Variants in COL22A1 observed in about 807,000 individuals in gnomAD.
The protein encoded by COL22A1 is collagen type XXII alpha 1 chain.
COL22A1 carries 221 observed loss-of-function variants against 248.9 expected under a neutral mutation model. That is an observed-to-expected ratio of 0.89 (90% CI 0.80 to 0.99). The LOEUF is 0.99. Among genes scored for constraint, COL22A1 ranks in the 50% least tolerant of loss-of-function variants. The pLI is 0.00. For synonymous variants in COL22A1, 891 were observed against 793.4 expected, an observed-to-expected ratio of 1.12 and a Z score of -2.07; for missense variants, 2,240 against 2,179.0, an observed-to-expected ratio of 1.03 and a Z score of -0.56.
At chr8:138,605,894 A>G (rs1818381056) in intron 58 of COL22A1, among the ~76,000 whole-genome samples, 1 of 152,162 alleles carries the variant, frequency 6.6e-6, no homozygotes, top group African/African-American at 2.4e-5. Flanking sequence ...AATCACTTAC[A>G]TGTTCTGACC....
Position 138,685,232 on chromosome 8 carries a change from G to A in COL22A1, c.2943C>T (p.Pro981=), listed in dbSNP as rs759861800. The A allele has an allele frequency of 1.3e-5, 21 of 1,612,676 alleles. No individual in the cohort carries two copies. Among genetic ancestry groups the A allele is most frequent in the Middle Eastern group, 1.6e-4 (1 of 6,078 alleles). The change falls in exon 38 of 65, where the codon CCC becomes CCT. Residue 981 remains proline, a synonymous_variant. Coordinates refer to ENST00000303045, the MANE Select transcript of COL22A1 (RefSeq NM_152888.3). ...DPGAPGLPGP[P]GKGKDGEPGL... ...CCGGCTCTCCATCCTTCCCTTTTCCGGGTGGCCCAGGGAGCCCAGGAGCAC... is the reference window on the plus strand; with the variant it reads ...CCGGCTCTCCATCCTTCCCTTTTCCAGGTGGCCCAGGGAGCCCAGGAGCAC...
intron 55 of COL22A1, among the ~76,000 whole-genome samples, chr8:138,614,412 C>A (rs1029489254): frequency 1.3e-5 from 2 of 152,198 alleles, no homozygotes; most frequent in African/African-American, 4.8e-5. Context: ...ATAATCCTAA[C>A]CCTGTGATGG....
chr8:138,754,080 T>C (rs1832807648), intron 21 of COL22A1, among the ~76,000 whole-genome samples: 1 of 152,202 alleles, frequency 6.6e-6, no homozygotes, highest in South Asian at 2.1e-4. Flanking sequence ...TGGTAAAAGA[T>C]GAAAAATAAC....
intron 14 of COL22A1, 143 bp from the exon 15 acceptor site, chr8:138,778,549 G>T (rs200005905): frequency 5.8e-6 from 4 of 684,066 alleles, no homozygotes; most frequent in Non-Finnish European, 4.9e-6. Context: ...GTTGGCACAG[G>T]TCTCGCCAGC....
intron 62 of COL22A1, 81 bp from the exon 63 acceptor site, chr8:138,594,280 G>C: frequency 1.6e-6 from 2 of 1,263,690 alleles, no homozygotes; most frequent in Non-Finnish European, 2.2e-6. Flanking sequence ...TGACAACTCA[G>C]AACCAGGGGG....
chr8:138,748,090 A>T (rs1215970891), intron 22 of COL22A1, among the ~76,000 whole-genome samples: 2 of 152,120 alleles, frequency 1.3e-5, no homozygotes, highest in Non-Finnish European at 2.9e-5. Flanking sequence ...CAAAACACTG[A>T]TTTCAATGCT....
chr8:138,640,864 A>G (rs1821621632), intron 47 of COL22A1, among the ~76,000 whole-genome samples: 1 of 152,214 alleles, frequency 6.6e-6, no homozygotes, highest in African/African-American at 2.4e-5. Context: ...CCCAAGTCCT[A>G]TAATTAGCAA....
chr8:138,881,266 G>C (rs953225117), intron 2 of COL22A1, among the ~76,000 whole-genome samples: 1 of 138,412 alleles, frequency 7.2e-6, no homozygotes, highest in Non-Finnish European at 1.5e-5. Flanking sequence ...AGTTATTACT[G>C]TCTTTCCAGC....
chr8:138,784,806 TCA>T (rs1815367516), intron 12 of COL22A1, among the ~76,000 whole-genome samples: 1 of 151,890 alleles, frequency 6.6e-6, no homozygotes, highest in Non-Finnish European at 1.5e-5. Context: ...TGAAACAAAG[TCA>T]CAGACAGCTG....
chr8:138,694,671 C>T lies in COL22A1; in HGVS notation c.2647-110G>A, dbSNP rs550453002. On this transcript the variant is annotated intron_variant, in intron 33 of 64. Transcript: ENST00000303045. Reference sequence around the variant, plus strand: ...TATAATTTGAGATCCAAGGAGGGGACGTAGCTAGCGTCCTGAGGAGAAGAA... The same window carrying T: ...TATAATTTGAGATCCAAGGAGGGGATGTAGCTAGCGTCCTGAGGAGAAGAA... 8.8e-5 allele frequency: 120 copies of T among 1,366,608 alleles called. 2 individuals are homozygous for T. The South Asian group carries it at 1.3e-3, about 15-fold the overall frequency. 84.7% of individuals were successfully genotyped at this position (1,366,608 alleles called of 1,614,324 possible).
chr8:138,664,146 G>C (rs4607662), intron 41 of COL22A1, among the ~76,000 whole-genome samples: 97,462 of 146,884 alleles, frequency 0.66, 33,767 homozygotes, highest in Middle Eastern at 0.78. Flanking sequence ...CAGCCATAGC[G>C]CTAGTGTCTG....
chr8:138,763,328 A>C (rs1413984199), intron 16 of COL22A1, among the ~76,000 whole-genome samples: 1 of 152,062 alleles, frequency 6.6e-6, no homozygotes, highest in Non-Finnish European at 1.5e-5. Context: ...CAGTGGCTGC[A>C]GCAAGTTGAG....
At chr8:138,709,623 A>T (rs1040332844) in intron 30 of COL22A1, among the ~76,000 whole-genome samples, 3 of 108,300 alleles carry the variant, frequency 2.8e-5, no homozygotes, top group Non-Finnish European at 5.3e-5. Context: ...AACATCACAC[A>T]CTGGGGCCTG....
Position 138,722,853 on chromosome 8 carries a change from G to GGC in COL22A1, c.2248-765_2248-764insGC, listed in dbSNP as rs1320954747. ...ATGATATCGGGTCACATGGGGGCGG[G>GGC]GGGGGGGTGGTGGAAAACACACCCT... On this transcript the variant is annotated intron_variant, in intron 25 of 64. Transcript: ENST00000303045. Among the ~76,000 whole-genome samples, 34 of 128,640 alleles carry GGC rather than the reference G, an allele frequency of 2.6e-4. 2 individuals are homozygous for GGC. The highest frequency in any genetic ancestry group is 7.8e-4 in the Admixed American group (10 of 12,822). The allele number at this position is 128,640 out of a possible 152,430, so 84.4% of individuals were successfully genotyped here.
intron 3 of COL22A1, among the ~76,000 whole-genome samples, chr8:138,872,083 C>CAGAG (rs1823387684): frequency 6.6e-6 from 1 of 152,180 alleles, no homozygotes; most frequent in Admixed American, 6.5e-5. Flanking sequence ...CATCAAAATG[C>CAGAG]AGAGCTGGAG....
At position 138,685,839 on chromosome 8, in the gene COL22A1, A is replaced by G. The variant is rs557739256; in HGVS notation, c.2863-527T>C. ...TTTGGCTGTTTAGGCCACCCAGTTC[A>G]TGATACTTTGTTACTGCAGCCTTAG... is the stretch of plus-strand genomic sequence containing the variant. On this transcript the variant is annotated intron_variant, in intron 37 of 64. Coordinates refer to ENST00000303045, the MANE Select transcript of COL22A1 (RefSeq NM_152888.3). 2.0e-5 allele frequency among the ~76,000 whole-genome samples: 3 copies of G among 152,314 alleles called. No homozygotes were observed. The East Asian group carries it at 5.8e-4, about 29-fold the overall frequency.
intron 1 of COL22A1, among the ~76,000 whole-genome samples, chr8:138,904,068 T>C (rs891088315): frequency 3.9e-5 from 6 of 152,150 alleles, no homozygotes; most frequent in African/African-American, 1.4e-4. Context: ...CTTTTTAAGC[T>C]TAAGCTAATT....
rs962144991 is a variant in COL22A1 at position 138,760,178 on chromosome 8, G to A, written c.1902+65C>T. On this transcript the variant is annotated intron_variant, in intron 18 of 64. Transcript: ENST00000303045. ...CCCTTCCCTGAGCCTGGTTTGCCAA[G>A]GCGGGCAGTCCCCGCACCTGCCTGC... is the stretch of plus-strand genomic sequence containing the variant. 1.1e-5 allele frequency: 15 copies of A among 1,368,582 alleles called. No homozygotes were observed. The African/African-American group carries it at 2.3e-4, about 21-fold the overall frequency. The allele number at this position is 1,368,582 out of a possible 1,614,324, so 84.8% of individuals were successfully genotyped here.
intron 36 of COL22A1, 103 bp from the exon 37 acceptor site, chr8:138,689,073 A>G: frequency 3.4e-6 from 3 of 882,640 alleles, no homozygotes; most frequent in Non-Finnish European, 5.7e-6. Context: ...CCTGAAGTCA[A>G]CGACTACAGC....
Sources: gnomAD v4.1 joint callset for allele counts (sites outside exome capture counted in the v4.1 genomes callset) on GRCh38, gnomAD v4.1.1 for gene constraint, MANE v1.5 for transcripts, NCBI Gene and HGNC (gene_info 2026-07-23, HGNC 2026-07-21) for gene names.